CLCN2: variants seen among roughly 807,000 people sequenced by gnomAD.
CLCN2 encodes chloride voltage-gated channel 2, also known as chloride channel protein 2.
Under a neutral mutation model 108.3 loss-of-function variants are expected in CLCN2, and 72 were observed. The observed-to-expected ratio is 0.66, with a 90% CI of 0.55 to 0.81. CLCN2 has a LOEUF of 0.81. Among genes scored for constraint, CLCN2 ranks in the 30% least tolerant of loss-of-function variants. The pLI, the probability that CLCN2 is intolerant of heterozygous loss-of-function variation, is 0.00. For synonymous variants in CLCN2, 471 were observed against 467.1 expected (o/e 1.01, Z -0.11); for missense variants, 1,048 against 1,205.2 (o/e 0.87, Z 1.93).
At chr3:184,357,137 A>C in intron 9 of CLCN2, 43 bp from the exon 10 acceptor site, 2 of 1,610,170 alleles carry the variant, frequency 1.2e-6, no homozygotes, top group South Asian at 1.1e-5. Context: ...AGCCTTCTAG[A>C]AACCCCCCTC....
rs368185699 is a variant in CLCN2 at position 184,346,852 on chromosome 3, C to T, written c.2503-52G>A. On this transcript the variant is annotated intron_variant, in intron 23 of 23. Transcript: ENST00000265593. This position sits in a 1 kb window ranked among gnomAD's most constrained non-coding sequence, Gnocchi z 6.0. ...TGGACCCAGATGTCAGACTCCTCCC[C>T]GCCTTCCTCCCCAGGTGAGCTGGAC... 728 of 1,612,440 alleles carry T rather than the reference C, an allele frequency of 4.5e-4. 3 individuals carry two copies. Among genetic ancestry groups the T allele is most frequent in the Admixed American group, 5.3e-4 (32 of 60,028 alleles).
chr3:184,358,899 C>T (rs947165880), intron 2 of CLCN2, 76 bp downstream of exon 2: 2 of 1,613,388 alleles, frequency 1.2e-6, no homozygotes, highest in Non-Finnish European at 1.7e-6. Flanking sequence ...CCCCTCTCCC[C>T]CATCAGCAGC....
In CLCN2 at chr3:184,353,013, C is replaced by T; in HGVS notation, c.2143+20G>A. 1 of 1,607,052 alleles carries T rather than the reference C, an allele frequency of 6.2e-7. No individual in the cohort carries two copies. Among genetic ancestry groups the T allele is most frequent in the Non-Finnish European group, 8.5e-7 (1 of 1,173,576 alleles). ...AGTAGCTTGGCTGAGGCTCTGTGGACACAGGAGACATGGGCTTACCTGTGG... is the reference window on the plus strand; with the variant it reads ...AGTAGCTTGGCTGAGGCTCTGTGGATACAGGAGACATGGGCTTACCTGTGG... On this transcript the variant is annotated intron_variant, in intron 18 of 23. Transcript: ENST00000265593.
chr3:184,357,734 G>T (rs1207904271), intron 6 of CLCN2, 36 bp from the exon 7 acceptor site: 5 of 1,613,830 alleles, frequency 3.1e-6, no homozygotes, highest in Non-Finnish European at 4.2e-6. Context: ...GTCAGCTGTG[G>T]GCTCAGCAGC....
At chr3:184,353,841 G>A in intron 15 of CLCN2, 46 bp from the exon 16 acceptor site, 1 of 1,590,958 alleles carries the variant, frequency 6.3e-7, no homozygotes, top group Non-Finnish European at 8.5e-7. Context: ...CATGGGGAGA[G>A]GTGCCCAGAG....
At position 184,354,631 on chromosome 3, in the gene CLCN2, TCACC is replaced by T. The variant is rs1553855606; in HGVS notation, c.1420_1423del (p.Gly474LysfsTer37). 6 of 1,476,060 alleles carry T rather than the reference TCACC, an allele frequency of 4.1e-6. No homozygotes were observed. Among genetic ancestry groups the T allele is most frequent in the Non-Finnish European group, 4.5e-6 (5 of 1,105,844 alleles). The allele number at this position is 1,476,060 out of a possible 1,614,324, so 91.4% of individuals were successfully genotyped here. On this transcript the variant is annotated frameshift_variant, in exon 14 of 24. Coordinates refer to ENST00000265593, the MANE Select transcript of CLCN2 (RefSeq NM_004366.6). LOFTEE classifies it high-confidence loss of function. ...ATCTGGGAACCAGGCAGCCATGCTTTCACCCACCAGACGCCCAAATGCTGCTCCT... is the reference window on the plus strand; with the variant it reads ...ATCTGGGAACCAGGCAGCCATGCTTTCACCAGACGCCCAAATGCTGCTCCT...
In CLCN2 at chr3:184,354,190, G is replaced by A. The variant is rs756767463; in HGVS notation, c.1632C>T (p.Val544=). The change falls in exon 15 of 24, where the codon GTC becomes GTT. Residue 544 remains valine, a synonymous_variant. Coordinates refer to ENST00000265593, the MANE Select transcript of CLCN2 (RefSeq NM_004366.6). ...VMIAVILANA[V]AQSLQPSLYD... ...AGAGGGAGGGCTGCAGACTCTGGGC[G>A]ACAGCGTTGGCCAGGATGACGGCGA... 2.5e-6 allele frequency: 4 copies of A among 1,613,382 alleles called. No homozygotes were observed. The highest frequency in any genetic ancestry group is 2.2e-5 in the East Asian group (1 of 44,830).
At chr3:184,356,683 AT>A (rs1728577714) in intron 10 of CLCN2, 1 of 407,038 alleles carries the variant, frequency 2.5e-6, no homozygotes, top group Non-Finnish European at 4.6e-6. Context: ...CCCATGGGTC[AT>A]GGGGGGAACC....
At position 184,346,451 on chromosome 3, in the gene CLCN2, G is replaced by C. The variant is rs1727671186; in HGVS notation, c.*155C>G. ...TAGTGGGTCAGATTCCAGGTAGGAT[G>C]AACTGGGAGAAGCTGGCACCCCAGG... On this transcript the variant is annotated 3_prime_UTR_variant, in exon 24 of 24. Transcript: ENST00000265593. The surrounding 1 kb of genome is among the most constrained non-coding windows in gnomAD (Gnocchi z 6.0). 6.2e-6 allele frequency: 5 copies of C among 811,742 alleles called. No individual in the cohort carries two copies. In the East Asian group the frequency reaches 1.1e-4, roughly 17 times the overall value. 50.3% of individuals were successfully genotyped at this position (811,742 alleles called of 1,614,324 possible). A position where few individuals can be genotyped will look rare whatever the true frequency, so the allele number is the denominator to read the frequency against.
At chr3:184,350,947 T>C (rs1728046437) in intron 22 of CLCN2, among the ~76,000 whole-genome samples, 1 of 152,184 alleles carries the variant, frequency 6.6e-6, no homozygotes, top group South Asian at 2.1e-4. Context: ...AGTAAGATCA[T>C]TGTGGAAAGG....
At chr3:184,357,895 G>T (rs750047316) in intron 5 of CLCN2, 39 bp from the exon 6 acceptor site, 1 of 1,613,452 alleles carries the variant, frequency 6.2e-7, no homozygotes, top group Non-Finnish European at 8.5e-7. Flanking sequence ...GAGGGGGCCC[G>T]CCCTGACCTT....
rs760205084 is a variant in CLCN2, at chr3:184,361,367, G to C, written c.63+50C>G. 7 of 1,588,678 alleles carry C rather than the reference G, an allele frequency of 4.4e-6. No individual in the cohort carries two copies. The African/African-American group carries it at 9.4e-5, about 21-fold the overall frequency. On this transcript the variant is annotated intron_variant, in intron 1 of 23. Transcript: ENST00000265593. This position sits in a 1 kb window ranked among gnomAD's most constrained non-coding sequence, Gnocchi z 6.6. ...TCCTCGCGCTTCCCAGGGTAACCTG[G>C]AGCAGGGGTCCCGGAGCGCACTCCT...
At chr3:184,349,898 G>C (rs1198900231) in intron 22 of CLCN2, among the ~76,000 whole-genome samples, 1 of 152,142 alleles carries the variant, frequency 6.6e-6, no homozygotes, top group Admixed American at 6.6e-5. Flanking sequence ...GCCTCTGAAT[G>C]AATTACTTAT....
rs1186476569 is a variant in CLCN2 at position 184,346,359 on chromosome 3, T to G, written c.*247A>C. ...CCTCAAAGGGGGAGCAGGGGTCAAG[T>G]GACCCCAACCCATCCTGCCAGGGCA... On this transcript the variant is annotated 3_prime_UTR_variant, in exon 24 of 24. Transcript: ENST00000265593. This position sits in a 1 kb window ranked among gnomAD's most constrained non-coding sequence, Gnocchi z 6.0. The G allele has an allele frequency of 1.0e-5, 6 of 573,816 alleles. No homozygotes were observed. The East Asian group carries it at 1.8e-4, about 17-fold the overall frequency. 35.5% of individuals were successfully genotyped at this position (573,816 alleles called of 1,614,324 possible).
Position 184,355,123 on chromosome 3 carries a change from G to A in CLCN2, c.1327-150C>T. The A allele has an allele frequency of 1.2e-6, 1 of 835,620 alleles. No homozygotes were observed. Among genetic ancestry groups the A allele is most frequent in the Non-Finnish European group, 2.0e-6 (1 of 505,826 alleles). 51.8% of individuals were successfully genotyped at this position (835,620 alleles called of 1,614,324 possible). On this transcript the variant is annotated intron_variant, in intron 12 of 23. Coordinates refer to ENST00000265593, the MANE Select transcript of CLCN2 (RefSeq NM_004366.6). This position sits in a 1 kb window ranked among gnomAD's most constrained non-coding sequence, Gnocchi z 6.3. ...CCTCCTAGCTACCCTGGGACCCCCAGGCCTCCCAGGTGATGGCAAGGGGAA... is the reference window on the plus strand; with the variant it reads ...CCTCCTAGCTACCCTGGGACCCCCAAGCCTCCCAGGTGATGGCAAGGGGAA...
intron 8 of CLCN2, 31 bp downstream of exon 8, chr3:184,357,331 C>T (rs374319128): frequency 1.1e-5 from 17 of 1,614,018 alleles, no homozygotes; most frequent in South Asian, 4.4e-5. Flanking sequence ...GGCACCATCT[C>T]GGGCTGCCCT....
Position 184,352,350 on chromosome 3 carries a change from G to C in CLCN2, c.2272-19C>G, listed in dbSNP as rs1418655212. ...CGTCACTCTAGTAGAGAGGGAGGGA[G>C]GCTGGCAGCTAGGGGCTCTGGAGTT... On this transcript the variant is annotated intron_variant, in intron 20 of 23. Coordinates refer to ENST00000265593, the MANE Select transcript of CLCN2 (RefSeq NM_004366.6). 6.2e-7 allele frequency: 1 copy of C among 1,613,698 alleles called. No homozygotes were observed. Among genetic ancestry groups the C allele is most frequent in the African/African-American group, 1.3e-5 (1 of 74,928 alleles).
chr3:184,353,505 C>G, intron 16 of CLCN2, 83 bp from the exon 17 acceptor site: 9 of 1,545,746 alleles, frequency 5.8e-6, no homozygotes, highest in Non-Finnish European at 7.9e-6. Context: ...AGTGGGGGGC[C>G]TTGCATGCAG....
Position 184,357,696 on chromosome 3 carries a change from A to G in CLCN2, c.696T>C (p.Asn232=). 1 of 1,614,114 alleles carries G rather than the reference A, an allele frequency of 6.2e-7. No individual in the cohort carries two copies. ...FLSLFGGIYE[N]ESRNTEMLAA... is the part of the protein sequence containing the mutation. Reference sequence around the variant, plus strand: ...CCAGCATCTCTGTGTTCCGGGATTCATTCTGGCGAGAGTGGTGGCAAGAGG... The same window carrying G: ...CCAGCATCTCTGTGTTCCGGGATTCGTTCTGGCGAGAGTGGTGGCAAGAGG... Residue 232 remains asparagine (N), a splice_region_variant and synonymous_variant, in exon 7 of 24, where the codon AAT becomes AAC. Coordinates refer to ENST00000265593, the MANE Select transcript of CLCN2 (RefSeq NM_004366.6).
Sources: allele counts gnomAD v4.1 joint callset (sites outside exome capture counted in the v4.1 genomes callset), GRCh38; gene constraint gnomAD v4.1.1; non-coding constraint Gnocchi (gnomAD v3.1); transcripts MANE v1.5; gene names NCBI Gene and HGNC (gene_info 2026-07-23, HGNC 2026-07-21).